PHTF1: variants seen among roughly 807,000 people sequenced by gnomAD.
The protein encoded by PHTF1 is putative homeodomain transcription factor 1.
In PHTF1, 88 loss-of-function variants were observed where a neutral mutation model predicts 102.4. The ratio of observed to expected loss-of-function variants is 0.86; its 90% CI spans 0.72 to 1.03. The LOEUF (loss-of-function observed/expected upper bound fraction) is 1.03. Ranked by LOEUF, PHTF1 falls within the 50% of genes least tolerant of loss-of-function variation. The pLI is 0.00. For synonymous variants in PHTF1, 289 were observed against 305.2 expected, an observed-to-expected ratio of 0.95 and a Z score of 0.55; for missense variants, 814 against 909.5, an observed-to-expected ratio of 0.89 and a Z score of 1.35.
intron 11 of PHTF1, 105 bp downstream of exon 11, chr1:113,710,149 T>C: frequency 1.3e-6 from 1 of 788,730 alleles, no homozygotes. Context: ...ATAATAATAG[T>C]ATCTACCCTA....
At chr1:113,758,756 C>T in intron 1 of PHTF1, 23 bp from the exon 2 acceptor site, 4 of 1,593,490 alleles carry the variant, frequency 2.5e-6, no homozygotes, top group Non-Finnish European at 3.4e-6. Context: ...GAAAACCAAT[C>T]GGTGAGTCCA....
chr1:113,758,084 C>T (rs1478411196), intron 2 of PHTF1, among the ~76,000 whole-genome samples: 2 of 151,970 alleles, frequency 1.3e-5, no homozygotes, highest in Non-Finnish European at 2.9e-5. Flanking sequence ...CCCGTCCCTA[C>T]TAAAAATACA....
rs68169929 is a variant in PHTF1 at position 113,702,653 on chromosome 1, AGG to A, written c.1890+1426_1890+1427del. 2.2e-4 allele frequency among the ~76,000 whole-genome samples: 33 copies of A among 152,046 alleles called. 1 individual carries two copies. In the East Asian group the frequency reaches 5.8e-3, roughly 27 times the overall value. ...TGTAGTCCCGGCTACCAGAAAAAAA[AGG>A]AAGAAGAAGAACGAATGAACAAACA... On this transcript the variant is annotated intron_variant, in intron 15 of 18. Transcript: ENST00000369604.
At chr1:113,737,727 A>T (rs2101594546) in intron 5 of PHTF1, among the ~76,000 whole-genome samples, 1 of 152,296 alleles carries the variant, frequency 6.6e-6, no homozygotes, top group Non-Finnish European at 1.5e-5. Context: ...TGCGTCTGGG[A>T]GGTCAAGGCT....
chr1:113,748,434 G>C (rs1657543511), intron 3 of PHTF1, among the ~76,000 whole-genome samples: 1 of 152,024 alleles, frequency 6.6e-6, no homozygotes, highest in Non-Finnish European at 1.5e-5. Context: ...CACTCACTTT[G>C]CTATTTTCTT....
At chr1:113,732,512 T>A (rs1403658046) in intron 5 of PHTF1, among the ~76,000 whole-genome samples, 10 of 151,862 alleles carry the variant, frequency 6.6e-5, no homozygotes, top group Non-Finnish European at 1.0e-4. Flanking sequence ...AAAAAAACAA[T>A]TTTCCTGCTC....
At chr1:113,723,372 T>A (rs984046613) in intron 7 of PHTF1, among the ~76,000 whole-genome samples, 1 of 152,110 alleles carries the variant, frequency 6.6e-6, no homozygotes, top group African/African-American at 2.4e-5. Flanking sequence ...GAGACAAGGT[T>A]TGGCCATGTT....
chr1:113,734,989 T>C (rs1332389906), intron 5 of PHTF1, among the ~76,000 whole-genome samples: 1 of 152,150 alleles, frequency 6.6e-6, no homozygotes, highest in African/African-American at 2.4e-5. Flanking sequence ...ACACCCAGTC[T>C]ATGGTATTTT....
chr1:113,734,143 C>T lies in PHTF1; in HGVS notation c.331+3967G>A, dbSNP rs142863132. ...GGCATGGTGGCAGGTGCCTGTAATC[C>T]CCGCTACTCAGGAGGCTAAGGCAGG... On this transcript the variant is annotated intron_variant, in intron 5 of 18. Transcript: ENST00000369604. 7.2e-3 allele frequency among the ~76,000 whole-genome samples: 1,095 copies of T among 152,184 alleles called. 10 individuals are homozygous for T. The highest frequency in any genetic ancestry group is 0.025 in the African/African-American group (1,055 of 41,506).
In PHTF1 at chr1:113,738,202, C is replaced by T. The variant is rs781014973; in HGVS notation, c.239G>A (p.Arg80Gln). ...WTSLTRKGLV[R>Q]VVFFPLFSNW... Reference sequence around the variant, plus strand: ...GCTGAACAATGGAAAAAATACAACTCGAACAAGCCCCTTCCGAGTCAGAGA... The same window carrying T: ...GCTGAACAATGGAAAAAATACAACTTGAACAAGCCCCTTCCGAGTCAGAGA... The change falls in exon 5 of 19, where the codon CGA becomes CAA. Residue 80 changes from arginine (R) to glutamine (Q), a missense_variant. Coordinates refer to ENST00000369604, the MANE Select transcript of PHTF1 (RefSeq NM_001323043.2). 5.6e-6 allele frequency: 9 copies of T among 1,613,738 alleles called. 1 individual carries two copies. The South Asian group carries it at 6.6e-5, about 12-fold the overall frequency.
intron 18 of PHTF1, 132 bp downstream of exon 18, chr1:113,698,130 C>T (rs939183165): frequency 8.6e-6 from 6 of 700,572 alleles, no homozygotes; most frequent in Non-Finnish European, 1.4e-5. Flanking sequence ...TTCTTTACCT[C>T]AAGAGTTATT....
At chr1:113,718,729 T>C (rs1301891644) in intron 7 of PHTF1, among the ~76,000 whole-genome samples, 1 of 152,206 alleles carries the variant, frequency 6.6e-6, no homozygotes, top group Non-Finnish European at 1.5e-5. Flanking sequence ...AGCTGTACAT[T>C]GGCCCCTTTC....
Position 113,723,224 on chromosome 1 carries a change from C to T in PHTF1, c.623+1535G>A, listed in dbSNP as rs1349355093. ...ACAGGGTCACACTCTGTCACCTAGG[C>T]TGGAGTAAAGTGGTGAGATCCTGAC... On this transcript the variant is annotated intron_variant, in intron 7 of 18. Coordinates refer to ENST00000369604, the MANE Select transcript of PHTF1 (RefSeq NM_001323043.2). Among the ~76,000 whole-genome samples, 3 of 149,508 alleles carry T rather than the reference C, an allele frequency of 2.0e-5. No individual in the cohort carries two copies. The East Asian group carries it at 5.8e-4, about 29-fold the overall frequency.
At chr1:113,711,128 A>C (rs536111196) in intron 10 of PHTF1, among the ~76,000 whole-genome samples, 25 of 152,182 alleles carry the variant, frequency 1.6e-4, no homozygotes, top group African/African-American at 6.0e-4. Flanking sequence ...GACACACACA[A>C]AGTGACCCCA....
Position 113,704,112 on chromosome 1 carries a change from G to A in PHTF1, c.1859C>T (p.Thr620Ile). ...DVVVSSVFLL[T>I]LSIAFICCAQ... is the part of the protein sequence containing the mutation. ...ACAACAAATGAAAGCAATCGAAAGT[G>A]TCAGTAGGAAAACCGAGGATACAAC... The change falls in exon 15 of 19, where the codon ACA (threonine) becomes ATA (isoleucine). Residue 620 changes from threonine (T) to isoleucine (I), a missense_variant. By Grantham distance (89) the Thr-to-Ile change is moderately conservative (BLOSUM62 -1). Transcript: ENST00000369604. The A allele has an allele frequency of 1.9e-6, 3 of 1,613,318 alleles. No individual in the cohort carries two copies. Among genetic ancestry groups the A allele is most frequent in the Non-Finnish European group, 2.5e-6 (3 of 1,179,286 alleles).
intron 15 of PHTF1, among the ~76,000 whole-genome samples, chr1:113,702,233 T>C (rs1649531914): frequency 6.6e-6 from 1 of 152,128 alleles, no homozygotes; most frequent in African/African-American, 2.4e-5. Flanking sequence ...AGCATGCATG[T>C]TGTAATCTCT....
rs375657966 is a variant in PHTF1, at chr1:113,726,495, G to A, written c.411C>T (p.Leu137=). ...EVLGPLCLML[L]MGTVHCQIVS... Reference sequence around the variant, plus strand: ...CAATTTGACAGTGGACAGTTCCCATGAGTAGCATAAGGCACAAGGGTCCAA... The same window carrying A: ...CAATTTGACAGTGGACAGTTCCCATAAGTAGCATAAGGCACAAGGGTCCAA... Residue 137 remains leucine (L), a synonymous_variant, in exon 6 of 19, where the codon CTC becomes CTT. Coordinates refer to ENST00000369604, the MANE Select transcript of PHTF1 (RefSeq NM_001323043.2). 1.9e-6 allele frequency: 3 copies of A among 1,609,676 alleles called. No individual in the cohort carries two copies. Among genetic ancestry groups the A allele is most frequent in the African/African-American group, 1.3e-5 (1 of 74,788 alleles).
intron 11 of PHTF1, among the ~76,000 whole-genome samples, chr1:113,708,911 T>C (rs1292814388): frequency 1.3e-5 from 2 of 152,160 alleles, no homozygotes; most frequent in Non-Finnish European, 2.9e-5. Flanking sequence ...ATCTTCAGAC[T>C]GAATGCAAAA....
rs1432492863 is a variant in PHTF1, at chr1:113,697,060, G to A, written c.*645C>T. On this transcript the variant is annotated 3_prime_UTR_variant, in exon 19 of 19. Coordinates refer to ENST00000369604, the MANE Select transcript of PHTF1 (RefSeq NM_001323043.2). The stretch of plus-strand genomic sequence containing the variant: ...TTCATGCTGAATTACATGGCATATT[G>A]TATGCATGCATCGTTTGCCAACAAC... 7.2e-5 allele frequency: 11 copies of A among 152,322 alleles called. No individual in the cohort carries two copies. The highest frequency in any genetic ancestry group is 2.7e-4 in the African/African-American group (11 of 41,418). The allele number at this position is 152,322 out of a possible 1,614,324, so 9.4% of individuals were successfully genotyped here.
Sources: gnomAD v4.1 joint callset for allele counts (sites outside exome capture counted in the v4.1 genomes callset) on GRCh38, gnomAD v4.1.1 for gene constraint, MANE v1.5 for transcripts, NCBI Gene and HGNC (gene_info 2026-07-23, HGNC 2026-07-21) for gene names.